Variants in RETSAT observed in about 807,000 individuals in gnomAD.
The protein encoded by RETSAT is retinol saturase.
Under a neutral mutation model 61.6 loss-of-function variants are expected in RETSAT, and 35 were observed. The observed-to-expected ratio is 0.57, with a 90% CI of 0.43 to 0.75. The LOEUF is 0.75. Among genes scored for constraint, RETSAT ranks in the 30% least tolerant of loss-of-function variants. The probability of loss-of-function intolerance (pLI) is 0.00; values close to 1 mark genes in which losing one functional copy is unlikely to be tolerated. For synonymous variants in RETSAT, 277 were observed against 310.4 expected (o/e 0.89, Z 1.13); for missense variants, 670 against 759.5 (o/e 0.88, Z 1.38).
rs761489889 is a variant in RETSAT at position 85,350,880 on chromosome 2, T to A, written c.497A>T (p.Glu166Val). The A allele has an allele frequency of 1.9e-5, 31 of 1,614,100 alleles. 1 individual carries two copies. The African/African-American group carries it at 4.0e-4, about 21-fold the overall frequency. The change falls in exon 3 of 11, where the codon GAG becomes GTG. Residue 166 changes from glutamate to valine, a missense_variant. Physicochemically the swap from Glu to Val is moderately radical, Grantham distance 121. Transcript: ENST00000295802. ...MVLEGPNGRK[E>V]YPMYSGEKAY... is the part of the protein sequence containing the mutation. ...TTTCTCTCCACTGTACATGGGGTAC[T>A]CCTTTCGGCCATTGGGCCCTTCCAG...
At chr2:85,345,860 A>G (rs1006770738) in intron 6 of RETSAT, 115 bp downstream of exon 6, 6 of 1,322,680 alleles carry the variant, frequency 4.5e-6, no homozygotes, top group Non-Finnish European at 5.4e-6. Context: ...TTGCTTAAGG[A>G]CAATCAGAGG....
intron 5 of RETSAT, among the ~76,000 whole-genome samples, chr2:85,348,618 G>A (rs1232950563): frequency 6.2e-5 from 7 of 112,454 alleles, no homozygotes; most frequent in African/African-American, 1.8e-4. Context: ...GCAACAGAGC[G>A]AGACTCCAAC....
Position 85,344,284 on chromosome 2 carries a change from CGAA to C in RETSAT, c.1318_1320del (p.Phe440del). On this transcript the variant is annotated inframe_deletion, in exon 8 of 11. Transcript: ENST00000295802. The stretch of plus-strand genomic sequence containing the variant: ...GTCGGATCTTTGGCTGATGGGAAAG[CGAA>C]GAAGAGAAGAGGGATGTGTTCCGCA... 6.2e-7 allele frequency: 1 copy of C among 1,614,092 alleles called. No homozygotes were observed. Among genetic ancestry groups the C allele is most frequent in the South Asian group, 1.1e-5 (1 of 91,086 alleles).
intron 5 of RETSAT, among the ~76,000 whole-genome samples, chr2:85,346,747 G>T (rs1045617842): frequency 6.6e-6 from 1 of 152,072 alleles, no homozygotes. Flanking sequence ...GAGTGAGACC[G>T]TGTATCTAAA....
chr2:85,346,308 C>T (rs904233090), intron 5 of RETSAT, among the ~76,000 whole-genome samples: 1 of 152,196 alleles, frequency 6.6e-6, no homozygotes, highest in African/African-American at 2.4e-5. Flanking sequence ...GGCTTACTTT[C>T]CCTAGCTCTG....
Position 85,346,478 on chromosome 2 carries a change from G to A in RETSAT, c.998-384C>T, listed in dbSNP as rs1341870312. ...TTTAATACCCTCCAATCGGGGCTAGGCACAGTGGTTCATGCCTGTACTCCC... is the reference window on the plus strand; with the variant it reads ...TTTAATACCCTCCAATCGGGGCTAGACACAGTGGTTCATGCCTGTACTCCC... On this transcript the variant is annotated intron_variant, in intron 5 of 10. Coordinates refer to ENST00000295802, the MANE Select transcript of RETSAT (RefSeq NM_017750.4). Among the ~76,000 whole-genome samples the A allele has an allele frequency of 2.6e-5, 4 of 152,180 alleles. No homozygotes were observed. In the East Asian group the frequency reaches 7.7e-4, roughly 29 times the overall value.
intron 5 of RETSAT, 23 bp from the exon 6 acceptor site, chr2:85,346,117 G>A: frequency 6.2e-7 from 1 of 1,601,148 alleles, no homozygotes; most frequent in Non-Finnish European, 8.5e-7. Flanking sequence ...GAGCTTGGCT[G>A]AGGGTCTGTG....
At chr2:85,350,650 A>C in intron 3 of RETSAT, 130 bp downstream of exon 3, 1 of 1,073,274 alleles carries the variant, frequency 9.3e-7, no homozygotes, top group Non-Finnish European at 1.4e-6. Context: ...GGCTGAGCTA[A>C]GAACAGATGT....
chr2:85,345,562 T>G lies in RETSAT; in HGVS notation c.1117+413A>C, dbSNP rs1467357209. 2.9e-5 allele frequency: 10 copies of G among 349,214 alleles called. No individual in the cohort carries two copies. In the Admixed American group the frequency reaches 3.9e-4, roughly 14 times the overall value. The allele number at this position is 349,214 out of a possible 1,614,324, so 21.6% of individuals were successfully genotyped here. On this transcript the variant is annotated intron_variant, in intron 6 of 10. Transcript: ENST00000295802. ...TTCCCAGCGGCCTCCCTTCCTCAGATCCAGTTACATGAAGGTGGCGGGACC... is the reference window on the plus strand; with the variant it reads ...TTCCCAGCGGCCTCCCTTCCTCAGAGCCAGTTACATGAAGGTGGCGGGACC...
In RETSAT at chr2:85,343,204, G is replaced by C. The variant is rs1280787930; in HGVS notation, c.*38C>G. On this transcript the variant is annotated 3_prime_UTR_variant, in exon 11 of 11. Coordinates refer to ENST00000295802, the MANE Select transcript of RETSAT (RefSeq NM_017750.4). ...TGGGTAAGTCAAGGGAGATGCCCCA[G>C]CCATTGGGCAAATTCCTCTGACTCC... The C allele has an allele frequency of 6.2e-7, 1 of 1,609,160 alleles. No homozygotes were observed. Among genetic ancestry groups the C allele is most frequent in the Admixed American group, 1.7e-5 (1 of 59,864 alleles).
At chr2:85,350,377 T>TA in intron 3 of RETSAT, 136 bp from the exon 4 acceptor site, 2 of 680,638 alleles carry the variant, frequency 2.9e-6, no homozygotes, top group Non-Finnish European at 2.6e-6. Flanking sequence ...TGAATATTTT[T>TA]AAAAAATCTA....
intron 8 of RETSAT, 36 bp from the exon 9 acceptor site, chr2:85,344,201 T>C (rs370439000): frequency 3.6e-5 from 58 of 1,613,836 alleles, no homozygotes; most frequent in African/African-American, 1.2e-4. Flanking sequence ...CTGCCCGGCC[T>C]CTCCCTCCAC....
intron 5 of RETSAT, among the ~76,000 whole-genome samples, chr2:85,348,379 C>A (rs1283797317): frequency 6.6e-6 from 1 of 152,090 alleles, no homozygotes; most frequent in Non-Finnish European, 1.5e-5. Flanking sequence ...GCCTGTAATC[C>A]CAGCACTTTG....
intron 6 of RETSAT, 88 bp downstream of exon 6, chr2:85,345,887 A>G: frequency 1.3e-6 from 2 of 1,553,208 alleles, no homozygotes; most frequent in Non-Finnish European, 1.8e-6. Context: ...CAAGAAGAGG[A>G]GAAGCATGAC....
At position 85,353,127 on chromosome 2, in the gene RETSAT, T is replaced by C. The variant is rs572430982; in HGVS notation, c.172+1209A>G. 2.0e-5 allele frequency among the ~76,000 whole-genome samples: 3 copies of C among 152,374 alleles called. No homozygotes were observed. In the South Asian group the frequency reaches 6.2e-4, roughly 32 times the overall value. ...CAATACTTAGTGGAACTATGTATAA[T>C]GCACTCTGATATTTTCTATTCTACT... On this transcript the variant is annotated intron_variant, in intron 1 of 10. Transcript: ENST00000295802.
Position 85,344,293 on chromosome 2 carries a change from G to A in RETSAT, c.1312C>T (p.Leu438Phe), listed in dbSNP as rs1683149917. 1 of 1,614,022 alleles carries A rather than the reference G, an allele frequency of 6.2e-7. No individual in the cohort carries two copies. Among genetic ancestry groups the A allele is most frequent in the South Asian group, 1.1e-5 (1 of 91,084 alleles). The change falls in exon 8 of 11, where the codon CTC (leucine) becomes TTC (phenylalanine). Residue 438 changes from leucine to phenylalanine, a missense_variant. By Grantham distance (22) the Leu-to-Phe change is conservative. Coordinates refer to ENST00000295802, the MANE Select transcript of RETSAT (RefSeq NM_017750.4). ...TTGGCTGATGGGAAAGCGAAGAAGA[G>A]AAGAGGGATGTGTTCCGCAGCCTCT... ...REEAAEHIPLLFFAFPSAKDP... is the reference protein window; with the variant it reads ...REEAAEHIPLFFFAFPSAKDP...
chr2:85,351,716 G>A lies in RETSAT; in HGVS notation c.319C>T (p.His107Tyr), dbSNP rs1243211581. ...EQHTKAGGCC[H>Y]TFGKNGLEFD... ...TCAAGGCCATTCTTTCCAAAGGTATGACAGCAGCCCCCTGCCTTGGTATGT... is the reference window on the plus strand; with the variant it reads ...TCAAGGCCATTCTTTCCAAAGGTATAACAGCAGCCCCCTGCCTTGGTATGT... The change falls in exon 2 of 11, where the codon CAT (histidine) becomes TAT (tyrosine). Residue 107 changes from histidine to tyrosine, a missense_variant. Coordinates refer to ENST00000295802, the MANE Select transcript of RETSAT (RefSeq NM_017750.4). 3 of 1,614,128 alleles carry A rather than the reference G, an allele frequency of 1.9e-6. No individual in the cohort carries two copies. The highest frequency in any genetic ancestry group is 2.5e-6 in the Non-Finnish European group (3 of 1,180,014).
chr2:85,349,815 G>T, intron 4 of RETSAT: 1 of 626,726 alleles, frequency 1.6e-6, no homozygotes, highest in Non-Finnish European at 2.8e-6. Flanking sequence ...AGACCAAGGA[G>T]GATAGTGTTG....
intron 1 of RETSAT, among the ~76,000 whole-genome samples, chr2:85,353,105 T>C (rs1683338872): frequency 6.6e-6 from 1 of 152,244 alleles, no homozygotes; most frequent in Non-Finnish European, 1.5e-5. Context: ...CACAATGCAA[T>C]ACTTAGTGGA....
Sources: gnomAD v4.1 joint callset for allele counts (sites outside exome capture counted in the v4.1 genomes callset) on GRCh38, gnomAD v4.1.1 for gene constraint, MANE v1.5 for transcripts, NCBI Gene and HGNC (gene_info 2026-07-23, HGNC 2026-07-21) for gene names.